Variants in RFC1 observed in about 807,000 individuals in gnomAD.
RFC1 encodes the protein replication factor C subunit 1.
Under a neutral mutation model 137.4 loss-of-function variants are expected in RFC1, and 37 were observed. The ratio of observed to expected loss-of-function variants is 0.27; its 90% CI spans 0.21 to 0.35. The LOEUF is 0.35. RFC1 is among the 10% of genes least tolerant of loss of function. RFC1 has a pLI of 1.00. For missense variants in RFC1, 1,205 were observed against 1,358.5 expected (o/e 0.89, Z 1.78); for synonymous variants, 429 against 455.7 (o/e 0.94, Z 0.75).
rs1488819690 is a variant in RFC1 at position 39,319,627 on chromosome 4, T to G, written c.1095+756A>C. ...GACTTATGATCGTTAGAAATAAAAC[T>G]TGAAAACAAACCCAGACTAACACAT... is the stretch of plus-strand genomic sequence containing the variant. On this transcript the variant is annotated intron_variant, in intron 9 of 24. Coordinates refer to ENST00000349703, the MANE Select transcript of RFC1 (RefSeq NM_002913.5). Among the ~76,000 whole-genome samples, 4 of 152,146 alleles carry G rather than the reference T, an allele frequency of 2.6e-5. No homozygotes were observed. The East Asian group carries it at 7.7e-4, about 29-fold the overall frequency.
At chr4:39,365,651 T>C (rs1469621022) in intron 1 of RFC1, among the ~76,000 whole-genome samples, 2 of 152,198 alleles carry the variant, frequency 1.3e-5, no homozygotes, top group Non-Finnish European at 2.9e-5. Flanking sequence ...TAGTAAGCCA[T>C]GTTATCCTTT....
At chr4:39,302,429 C>T (rs1738409058) in intron 18 of RFC1, 53 bp from the exon 19 acceptor site, 1 of 1,517,004 alleles carries the variant, frequency 6.6e-7, no homozygotes, top group African/African-American at 1.4e-5. Context: ...CTGTTGCTCC[C>T]CATCCCTACA....
chr4:39,309,033 C>T lies in RFC1; in HGVS notation c.1489-1G>A. ...TCTCCAGTTTGGACTCTTTCTTCATCTTAAGAAGTGGAAAAATGAGGAAAA... is the reference window on the plus strand; with the variant it reads ...TCTCCAGTTTGGACTCTTTCTTCATTTTAAGAAGTGGAAAAATGAGGAAAA... On this transcript the variant is annotated splice_acceptor_variant, in intron 12 of 24. Transcript: ENST00000349703. LOFTEE classifies it high-confidence loss of function. 1 of 1,577,686 alleles carries T rather than the reference C, an allele frequency of 6.3e-7. No homozygotes were observed. The highest frequency in any genetic ancestry group is 8.5e-7 in the Non-Finnish European group (1 of 1,169,594).
intron 22 of RFC1, among the ~76,000 whole-genome samples, chr4:39,293,730 A>G (rs1186595960): frequency 1.3e-5 from 2 of 152,170 alleles, no homozygotes; most frequent in Non-Finnish European, 2.9e-5. Context: ...AAGAATAGCC[A>G]TAAAACAACC....
At chr4:39,339,197 C>T (rs74858210) in intron 4 of RFC1, among the ~76,000 whole-genome samples, 2,239 of 152,162 alleles carry the variant, frequency 0.015, 51 homozygotes, top group African/African-American at 0.051. Context: ...CATAATGCTG[C>T]AATGAATATG....
chr4:39,324,512 C>T (rs572927561), intron 6 of RFC1, among the ~76,000 whole-genome samples: 128 of 152,306 alleles, frequency 8.4e-4, no homozygotes, highest in African/African-American at 2.9e-3. Context: ...TGTGGATACT[C>T]GCTTGTAGTT....
At chr4:39,363,967 T>C (rs1741889205) in intron 1 of RFC1, among the ~76,000 whole-genome samples, 1 of 148,766 alleles carries the variant, frequency 6.7e-6, no homozygotes, top group Non-Finnish European at 1.5e-5. Context: ...GTAATCTCAA[T>C]GCTTTGGGAG....
intron 24 of RFC1, 89 bp from the exon 25 acceptor site, chr4:39,288,933 C>T: frequency 1.2e-6 from 1 of 846,538 alleles, no homozygotes; most frequent in Non-Finnish European, 1.9e-6. Context: ...TAATCTTTAC[C>T]TGCAACTTAA....
At chr4:39,359,163 C>A (rs538700232) in intron 1 of RFC1, among the ~76,000 whole-genome samples, 34 of 152,286 alleles carry the variant, frequency 2.2e-4, no homozygotes, top group African/African-American at 6.7e-4. Context: ...CCAACCTAAA[C>A]GATCTCCCAA....
chr4:39,343,366 C>T (rs1740697889), intron 3 of RFC1, among the ~76,000 whole-genome samples: 2 of 152,086 alleles, frequency 1.3e-5, no homozygotes, highest in South Asian at 4.1e-4. Context: ...CATCTTAACA[C>T]CATCTGTAAC....
At chr4:39,295,499 G>C (rs2109586706) in intron 22 of RFC1, 115 bp downstream of exon 22, 1 of 813,248 alleles carries the variant, frequency 1.2e-6, no homozygotes, top group Non-Finnish European at 1.9e-6. Flanking sequence ...CATTCATCTA[G>C]TTACCAATAA....
At chr4:39,294,989 T>C (rs1295357570) in intron 22 of RFC1, among the ~76,000 whole-genome samples, 3 of 152,146 alleles carry the variant, frequency 2.0e-5, no homozygotes, top group African/African-American at 7.2e-5. Context: ...GGTGACAGAG[T>C]GTGACCTTGT....
intron 18 of RFC1, 41 bp downstream of exon 18, chr4:39,302,459 A>C (rs1207188132): frequency 1.3e-6 from 2 of 1,525,998 alleles, no homozygotes; most frequent in African/African-American, 2.7e-5. Context: ...GCATTAGTTA[A>C]AAATAATCAA....
intron 8 of RFC1, 143 bp from the exon 9 acceptor site, chr4:39,320,812 T>G (rs1009348536): frequency 6.0e-6 from 4 of 666,130 alleles, no homozygotes; most frequent in African/African-American, 5.7e-5. Context: ...ACCATCTGTT[T>G]ATAGTAAATC....
At chr4:39,357,476 T>A (rs1321416530) in intron 1 of RFC1, among the ~76,000 whole-genome samples, 1 of 152,226 alleles carries the variant, frequency 6.6e-6, no homozygotes, top group African/African-American at 2.4e-5. Flanking sequence ...TTAAAAAGCA[T>A]CTTTTCATAC....
intron 1 of RFC1, among the ~76,000 whole-genome samples, chr4:39,362,059 T>C (rs976640161): frequency 6.6e-6 from 1 of 151,954 alleles, no homozygotes; most frequent in Admixed American, 6.6e-5. Context: ...ATCAGTTCCA[T>C]TAAAAAAATC....
chr4:39,348,424 A>AAAAG (rs1560619780), intron 2 of RFC1, among the ~76,000 whole-genome samples: 1 of 71,780 alleles, frequency 1.4e-5, no homozygotes, highest in Non-Finnish European at 3.0e-5. Context: ...CTCTGTTTCA[A>AAAAG]AAAAGAAAAG....
At position 39,338,296 on chromosome 4, in the gene RFC1, C is replaced by T. The variant is rs180757145; in HGVS notation, c.331+4049G>A. On this transcript the variant is annotated intron_variant, in intron 4 of 24. Coordinates refer to ENST00000349703, the MANE Select transcript of RFC1 (RefSeq NM_002913.5). ...GAAAAATATTTCTCATGGAGTGAAA[C>T]GGAAAGCCTAAAAATCTGTATAACA... Among the ~76,000 whole-genome samples the T allele has an allele frequency of 8.5e-5, 13 of 152,118 alleles. No individual in the cohort carries two copies. In the East Asian group the frequency reaches 9.7e-4, roughly 11 times the overall value.
chr4:39,309,178 T>C, intron 12 of RFC1, 146 bp from the exon 13 acceptor site: 1 of 765,746 alleles, frequency 1.3e-6, no homozygotes, highest in Non-Finnish European at 2.0e-6. Context: ...ACTTTCCTGT[T>C]TGTGGAAATC....
Sources: gnomAD v4.1 joint callset for allele counts (sites outside exome capture counted in the v4.1 genomes callset) on GRCh38, gnomAD v4.1.1 for gene constraint, MANE v1.5 for transcripts, NCBI Gene and HGNC (gene_info 2026-07-23, HGNC 2026-07-21) for gene names.